Variants in KNL1 observed in about 807,000 individuals in gnomAD.
KNL1 encodes the protein kinetochore scaffold 1.
A neutral mutation model predicts 201.3 loss-of-function variants in KNL1; 66 were observed. That is an observed-to-expected ratio of 0.33 (90% confidence interval 0.27 to 0.40). KNL1 has a LOEUF of 0.40. Ranked by LOEUF, KNL1 falls within the 10% of genes least tolerant of loss-of-function variation. The probability of loss-of-function intolerance (pLI) is 1.00; values close to 1 mark genes in which losing one functional copy is unlikely to be tolerated. For missense variants in KNL1, 2,815 were observed against 2,690.5 expected, an observed-to-expected ratio of 1.05 and a Z score of -1.02; for synonymous variants, 895 against 899.2, an observed-to-expected ratio of 1.00 and a Z score of 0.08.
intron 15 of KNL1, 87 bp downstream of exon 15, chr15:40,645,174 T>C: frequency 1.2e-6 from 1 of 843,588 alleles, no homozygotes; most frequent in Non-Finnish European, 1.9e-6. Flanking sequence ...TACTTGGTCA[T>C]AGTGATGAGT....
chr15:40,625,171 C>A lies in KNL1; in HGVS notation c.4907C>A (p.Pro1636Gln), dbSNP rs371882167. The change falls in exon 10 of 26, where the codon CCG becomes CAG. Residue 1636 changes from proline (P) to glutamine (Q), a missense_variant. Physicochemically the swap from Pro to Gln is moderately conservative, Grantham distance 76 (BLOSUM62 -1). Coordinates refer to ENST00000399668, the MANE Select transcript of KNL1 (RefSeq NM_144508.5). ...SHNGAETTSL[P>Q]PKTVFKDKVR... ...AATGGAGCTGAAACCACCTCTCTAC[C>A]GCCAAAGACAGTTTTTAAAGATAAA... 7 of 1,613,836 alleles carry A rather than the reference C, an allele frequency of 4.3e-6. No individual in the cohort carries two copies. Among genetic ancestry groups the A allele is most frequent in the Non-Finnish European group, 5.1e-6 (6 of 1,179,944 alleles).
Position 40,650,031 on chromosome 15 carries a change from A to G in KNL1, c.6095-270A>G, listed in dbSNP as rs1893506679. The stretch of plus-strand genomic sequence containing the variant: ...TATATTTCATACAGAGTAAGTGCCT[A>G]GTACATGTTTTTTGCACTGAATTGA... On this transcript the variant is annotated intron_variant, in intron 17 of 25. Transcript: ENST00000399668. 3.4e-5 allele frequency: 9 copies of G among 266,866 alleles called. No homozygotes were observed. In the South Asian group the frequency reaches 5.0e-4, roughly 15 times the overall value. 16.5% of individuals were successfully genotyped at this position (266,866 alleles called of 1,614,324 possible).
intron 3 of KNL1, among the ~76,000 whole-genome samples, chr15:40,605,605 C>T (rs186370951): frequency 7.9e-5 from 12 of 152,220 alleles, no homozygotes; most frequent in African/African-American, 2.4e-4. Context: ...GCATGTACCA[C>T]GTGTGGCTAA....
At chr15:40,632,983 G>A (rs556186454) in intron 13 of KNL1, among the ~76,000 whole-genome samples, 13 of 152,266 alleles carry the variant, frequency 8.5e-5, no homozygotes, top group African/African-American at 2.9e-4. Context: ...CATGTACTGC[G>A]TAAGGACGTT....
chr15:40,644,785 A>G (rs1293218248), intron 14 of KNL1, among the ~76,000 whole-genome samples: 1 of 152,210 alleles, frequency 6.6e-6, no homozygotes, highest in Non-Finnish European at 1.5e-5. Context: ...CATACAACAC[A>G]TGTTTTTGTG....
chr15:40,651,972 C>T (rs371609248), intron 20 of KNL1, 33 bp from the exon 21 acceptor site: 89 of 1,488,522 alleles, frequency 6.0e-5, no homozygotes, highest in Admixed American at 1.7e-4. Context: ...ATTTTAAAAA[C>T]GCTTTTTAAA....
At chr15:40,632,389 G>T (rs1279573681) in intron 13 of KNL1, among the ~76,000 whole-genome samples, 2 of 152,044 alleles carry the variant, frequency 1.3e-5, no homozygotes, top group African/African-American at 4.8e-5. Flanking sequence ...CAGGAGGATT[G>T]CTTGACCCTA....
Position 40,619,031 on chromosome 15 carries a change from C to T in KNL1, c.375+20C>T, listed in dbSNP as rs1250785900. On this transcript the variant is annotated intron_variant, in intron 9 of 25. Transcript: ENST00000399668. ...AAGGAGGTATGAGTTCATGCAAATA[C>T]CTTCATATTGTAATGTCATTTGATT... 3 of 1,480,662 alleles carry T rather than the reference C, an allele frequency of 2.0e-6. No homozygotes were observed. The highest frequency in any genetic ancestry group is 2.8e-5 in the African/African-American group (2 of 72,170). The allele number at this position is 1,480,662 out of a possible 1,614,324, so 91.7% of individuals were successfully genotyped here. A position where few individuals can be genotyped will look rare whatever the true frequency, so the allele number is the denominator to read the frequency against.
At chr15:40,620,027 C>T (rs528824757) in intron 9 of KNL1, among the ~76,000 whole-genome samples, 12 of 151,872 alleles carry the variant, frequency 7.9e-5, no homozygotes, top group African/African-American at 2.4e-4. Context: ...CTCCTGGACT[C>T]GAGCAGTCCT....
rs1167728225 is a variant in KNL1 at position 40,654,900 on chromosome 15, T to C, written c.6416-9T>C. 1 of 1,607,140 alleles carries C rather than the reference T, an allele frequency of 6.2e-7. No homozygotes were observed. The highest frequency in any genetic ancestry group is 1.1e-5 in the South Asian group (1 of 90,948). Reference sequence around the variant, plus strand: ...AATTTTTAAAAATCATTATTCTGGTTCTTTCTAGTTGGTTTCCCTTTCCTG... The same window carrying C: ...AATTTTTAAAAATCATTATTCTGGTCCTTTCTAGTTGGTTTCCCTTTCCTG... On this transcript the variant is annotated splice_polypyrimidine_tract_variant and intron_variant, in intron 21 of 25. Transcript: ENST00000399668.
In KNL1 at chr15:40,657,128, A is replaced by G; in HGVS notation, c.6571A>G (p.Thr2191Ala). Reference protein sequence around the residue: ...EEKESWKKTCTTQHQLPKMLE... With the variant: ...EEKESWKKTCATQHQLPKMLE... ...AAAGGAATCCTGGAAGAAGACATGT[A>G]CAACCCAGCATCAGTTACCCAAGGT... Residue 2191 changes from threonine (T) to alanine (A), a missense_variant, in exon 23 of 26, where the codon ACA (threonine) becomes GCA (alanine). Around this residue, in one of 3 missense-constraint regions of KNL1, gnomAD observed 334 missense variants for 362.6 expected, o/e 0.92. Transcript: ENST00000399668. 1 of 1,605,222 alleles carries G rather than the reference A, an allele frequency of 6.2e-7. No individual in the cohort carries two copies. Among genetic ancestry groups the G allele is most frequent in the Admixed American group, 1.7e-5 (1 of 59,270 alleles).
chr15:40,647,182 T>C (rs932433187), intron 17 of KNL1, 108 bp downstream of exon 17: 1 of 653,252 alleles, frequency 1.5e-6, no homozygotes, highest in African/African-American at 1.9e-5. Context: ...ATTAGCAACT[T>C]GAGATATTAA....
chr15:40,610,189 C>G, intron 5 of KNL1, 56 bp from the exon 6 acceptor site: 1 of 962,508 alleles, frequency 1.0e-6, no homozygotes, highest in South Asian at 1.4e-5. Context: ...AAATCAACAC[C>G]AAAAGATAAT....
At chr15:40,594,572 C>G (rs1159638814) in intron 1 of KNL1, among the ~76,000 whole-genome samples, 180 bp downstream of exon 1, 1 of 152,214 alleles carries the variant, frequency 6.6e-6, no homozygotes, top group Admixed American at 6.5e-5. Flanking sequence ...TTTTCCCCTC[C>G]TCGGCCTGTA....
chr15:40,658,720 A>G (rs1372176275), intron 24 of KNL1, among the ~76,000 whole-genome samples: 2 of 151,608 alleles, frequency 1.3e-5, no homozygotes, highest in Non-Finnish European at 1.5e-5. Flanking sequence ...ACTTGAGGTC[A>G]GGAGTTCAAG....
rs1044111874 is a variant in KNL1 at position 40,663,375 on chromosome 15, T to C, written c.*1187T>C. Reference sequence around the variant, plus strand: ...CCCAGCAATGTTTTCTTAATAAGTATAGTTTTTCTAGGGAAAGTTAATTCA... The same window carrying C: ...CCCAGCAATGTTTTCTTAATAAGTACAGTTTTTCTAGGGAAAGTTAATTCA... On this transcript the variant is annotated 3_prime_UTR_variant, in exon 26 of 26. Coordinates refer to ENST00000399668, the MANE Select transcript of KNL1 (RefSeq NM_144508.5). The C allele has an allele frequency of 5.6e-6, 1 of 178,794 alleles. No individual in the cohort carries two copies. The highest frequency in any genetic ancestry group is 2.4e-5 in the African/African-American group (1 of 42,320). 11.1% of individuals were successfully genotyped at this position (178,794 alleles called of 1,614,324 possible).
intron 20 of KNL1, among the ~76,000 whole-genome samples, 185 bp from the exon 21 acceptor site, chr15:40,651,820 T>C (rs1893574082): frequency 6.6e-6 from 1 of 152,222 alleles, no homozygotes; most frequent in Non-Finnish European, 1.5e-5. Flanking sequence ...CAACTCAAGA[T>C]TGGGTTCTTA....
chr15:40,606,955 C>G (rs938593292), intron 4 of KNL1, among the ~76,000 whole-genome samples: 2 of 152,128 alleles, frequency 1.3e-5, no homozygotes, highest in African/African-American at 4.8e-5. Flanking sequence ...GACAGGATTT[C>G]GCCATGTTGC....
chr15:40,606,601 TTTC>T, intron 4 of KNL1, 149 bp downstream of exon 4: 1 of 531,970 alleles, frequency 1.9e-6, no homozygotes, highest in Non-Finnish European at 3.5e-6. Flanking sequence ...ATTTTTCATT[TTTC>T]TTCTTTTTTC....
Sources: gnomAD v4.1 joint callset for allele counts (sites outside exome capture counted in the v4.1 genomes callset) on GRCh38, gnomAD v4.1.1 for gene constraint, gnomAD v4.1.1 regional missense constraint, MANE v1.5 for transcripts, NCBI Gene and HGNC (gene_info 2026-07-23, HGNC 2026-07-21) for gene names.